The following KCNB2 variants were observed in gnomAD, a reference collection of about 807,000 sequenced individuals.
KCNB2 encodes potassium voltage-gated channel subfamily B member 2.
Under a neutral mutation model 61.5 loss-of-function variants are expected in KCNB2, and 15 were observed. That is an observed-to-expected ratio of 0.24 (90% confidence interval 0.16 to 0.38). The LOEUF (loss-of-function observed/expected upper bound fraction) is 0.38, where lower values mean the gene tolerates loss of function less well. KCNB2 is among the 10% of genes least tolerant of loss of function. KCNB2 has a pLI of 1.00. For missense variants in KCNB2, 828 were observed against 1,125.2 expected (o/e 0.74, Z 3.78); for synonymous variants, 457 against 446.0 (o/e 1.02, Z -0.31).
intron 2 of KCNB2, among the ~76,000 whole-genome samples, chr8:72,694,849 T>A (rs997455633): frequency 6.6e-6 from 1 of 151,694 alleles, no homozygotes; most frequent in Non-Finnish European, 1.5e-5. Context: ...AAATTATTAA[T>A]AAAATAAAAT....
intron 2 of KCNB2, among the ~76,000 whole-genome samples, chr8:72,660,012 A>G (rs1806353664): frequency 6.6e-6 from 1 of 152,202 alleles, no homozygotes; most frequent in African/African-American, 2.4e-5. Context: ...TTAACCTATG[A>G]CATTCACATT....
chr8:72,737,699 G>C (rs1807872835), intron 2 of KCNB2, among the ~76,000 whole-genome samples: 1 of 152,124 alleles, frequency 6.6e-6, no homozygotes, highest in Non-Finnish European at 1.5e-5. Context: ...CGTGGCAATG[G>C]GGTGGACTGG....
At chr8:72,931,307 T>C (rs1585983862) in intron 2 of KCNB2, among the ~76,000 whole-genome samples, 2 of 152,310 alleles carry the variant, frequency 1.3e-5, no homozygotes, top group East Asian at 3.9e-4. Context: ...ATATGAACTT[T>C]AAGGTAGTTT....
chr8:72,798,148 G>A (rs759907996), intron 2 of KCNB2, among the ~76,000 whole-genome samples: 16 of 152,120 alleles, frequency 1.1e-4, no homozygotes, highest in Non-Finnish European at 2.4e-4. Flanking sequence ...TACATCTTCT[G>A]CATTTTTATG....
At chr8:72,874,738 G>A (rs1408839869) in intron 2 of KCNB2, 4 of 152,256 alleles carry the variant, frequency 2.6e-5, no homozygotes, top group African/African-American at 9.7e-5. Context: ...TTTGTGTCAG[G>A]AGCAGGAGGA....
chr8:72,667,060 AAG>A (rs1302559794), intron 2 of KCNB2, among the ~76,000 whole-genome samples: 1 of 151,380 alleles, frequency 6.6e-6, no homozygotes, highest in African/African-American at 2.4e-5. Context: ...GATAGAGAGA[AAG>A]AGAGAAACTG....
chr8:72,750,199 A>G (rs1808165096), intron 2 of KCNB2: 1 of 152,016 alleles, frequency 6.6e-6, no homozygotes. Context: ...ATATTTATCT[A>G]TTTTGTTACA....
intron 1 of KCNB2, among the ~76,000 whole-genome samples, chr8:72,561,176 GAC>G (rs199609296): frequency 0.037 from 5,060 of 136,732 alleles, 119 homozygotes; most frequent in South Asian, 0.094. Flanking sequence ...TTTTTTTTTT[GAC>G]ACAGAGTCTT....
chr8:72,747,567 C>T (rs528536284), intron 2 of KCNB2, among the ~76,000 whole-genome samples: 17 of 152,246 alleles, frequency 1.1e-4, no homozygotes, highest in African/African-American at 4.1e-4. Context: ...AGAGAGGGTT[C>T]TTGGATCTCT....
At chr8:72,736,687 T>G (rs935504545) in intron 2 of KCNB2, among the ~76,000 whole-genome samples, 1 of 152,124 alleles carries the variant, frequency 6.6e-6, no homozygotes, top group Non-Finnish European at 1.5e-5. Flanking sequence ...ACAAGGATAA[T>G]GCATTCTAAA....
chr8:72,607,774 G>A (rs1266376212), intron 2 of KCNB2, among the ~76,000 whole-genome samples: 1 of 151,856 alleles, frequency 6.6e-6, no homozygotes, highest in Non-Finnish European at 1.5e-5. Context: ...ACCCATATAT[G>A]CACTTAATTT....
intron 2 of KCNB2, among the ~76,000 whole-genome samples, chr8:72,812,819 T>C (rs931909831): frequency 5.9e-5 from 9 of 152,224 alleles, no homozygotes; most frequent in Admixed American, 2.0e-4. Flanking sequence ...TACATTGATA[T>C]GCATAAGTTC....
At chr8:72,911,172 A>G (rs1806283603) in intron 2 of KCNB2, among the ~76,000 whole-genome samples, 1 of 152,204 alleles carries the variant, frequency 6.6e-6, no homozygotes, top group South Asian at 2.1e-4. Context: ...TCGAGCAGGA[A>G]TTCCGACAAC....
intron 2 of KCNB2, among the ~76,000 whole-genome samples, chr8:72,909,229 G>C (rs1287870361): frequency 6.6e-6 from 1 of 152,192 alleles, no homozygotes; most frequent in African/African-American, 2.4e-5. Flanking sequence ...TAGCTCATGT[G>C]TCCCAGGTGA....
chr8:72,756,320 C>A (rs1318765483), intron 2 of KCNB2, among the ~76,000 whole-genome samples: 7 of 152,190 alleles, frequency 4.6e-5, no homozygotes, highest in Non-Finnish European at 5.9e-5. Context: ...CTGCCCCAGT[C>A]CTCAGTTATC....
chr8:72,683,344 C>G lies in KCNB2; in HGVS notation c.579+115031C>G, dbSNP rs1297425507. Among the ~76,000 whole-genome samples, 3 of 152,016 alleles carry G rather than the reference C, an allele frequency of 2.0e-5. No individual in the cohort carries two copies. The South Asian group carries it at 6.2e-4, about 32-fold the overall frequency. ...TTATTCCATAAATGTTTATTGATTT[C>G]TAGGCACTGTGCCAGGCCAGTATAG... On this transcript the variant is annotated intron_variant, in intron 2 of 2. Transcript: ENST00000523207.
chr8:72,840,890 G>A (rs527364354), intron 2 of KCNB2, among the ~76,000 whole-genome samples: 57 of 152,034 alleles, frequency 3.7e-4, no homozygotes, highest in African/African-American at 1.1e-3. Context: ...TTTGCTGTAC[G>A]GAAGCTCTTT....
Position 72,555,583 on chromosome 8 carries a change from A to C in KCNB2, c.-93-12059A>C, listed in dbSNP as rs563767025. Among the ~76,000 whole-genome samples the C allele has an allele frequency of 1.6e-4, 25 of 151,722 alleles. No homozygotes were observed. In the East Asian group the frequency reaches 3.1e-3, roughly 19 times the overall value. On this transcript the variant is annotated intron_variant, in intron 1 of 2. Coordinates refer to ENST00000523207, the MANE Select transcript of KCNB2 (RefSeq NM_004770.3). ...TATCACCATCTCTGAATCCAGAAAA[A>C]CTAGTTCTTTCCTTGAAGAAAAAAA...
At chr8:72,811,873 C>T (rs777718281) in intron 2 of KCNB2, among the ~76,000 whole-genome samples, 14 of 152,128 alleles carry the variant, frequency 9.2e-5, no homozygotes, top group Middle Eastern at 3.2e-3. Context: ...CATGTGCATG[C>T]GCAATTGAGA....
Sources: allele counts gnomAD v4.1 joint callset (sites outside exome capture counted in the v4.1 genomes callset), GRCh38; gene constraint gnomAD v4.1.1; transcripts MANE v1.5; gene names NCBI Gene and HGNC (gene_info 2026-07-23, HGNC 2026-07-21).